The following CORO7 variants were observed in gnomAD, a reference collection of about 807,000 sequenced individuals.
CORO7 encodes coronin-7.
Under a neutral mutation model 126.6 loss-of-function variants are expected in CORO7, and 107 were observed. The observed-to-expected ratio is 0.85, with a 90% CI of 0.72 to 0.99. CORO7 has a LOEUF of 0.99. Among genes scored for constraint, CORO7 ranks in the 50% least tolerant of loss-of-function variants. The probability of loss-of-function intolerance (pLI) is 0.00; values close to 1 mark genes in which losing one functional copy is unlikely to be tolerated. For missense variants in CORO7, 1,314 were observed against 1,255.8 expected, an observed-to-expected ratio of 1.05 and a Z score of -0.70; for synonymous variants, 603 against 536.8, an observed-to-expected ratio of 1.12 and a Z score of -1.70.
At chr16:4,378,022 T>G (rs2054810278) in intron 9 of CORO7, among the ~76,000 whole-genome samples, 1 of 152,132 alleles carries the variant, frequency 6.6e-6, no homozygotes, top group Non-Finnish European at 1.5e-5. Flanking sequence ...CCTTGCTGAT[T>G]AAAGACCCAA....
In CORO7 at chr16:4,361,460, G is replaced by T; in HGVS notation, c.1588C>A (p.Pro530Thr). The T allele has an allele frequency of 6.2e-7, 1 of 1,611,644 alleles. No homozygotes were observed. Among genetic ancestry groups the T allele is most frequent in the Non-Finnish European group, 8.5e-7 (1 of 1,179,748 alleles). ...GQVAVLELRK[P>T]GRLPDTALPT... ...AGTGCCGTGTCGGGCAGGCGGCCAG[G>T]CTTCCGTAGCTGTGGGAGGTGCCCC... is the stretch of plus-strand genomic sequence containing the variant. The change falls in exon 17 of 28, where the codon CCT (proline) becomes ACT (threonine). Residue 530 changes from proline to threonine, a missense_variant. Physicochemically the swap from Pro to Thr is conservative, Grantham distance 38. Transcript: ENST00000251166.
chr16:4,385,289 C>T (rs2055156775), intron 9 of CORO7, among the ~76,000 whole-genome samples: 1 of 152,256 alleles, frequency 6.6e-6, no homozygotes, highest in East Asian at 1.9e-4. Flanking sequence ...ACAACATGCT[C>T]ACAGTAAGTG....
In CORO7 at chr16:4,416,565, G is replaced by T. The variant is rs562096366; in HGVS notation, c.-47C>A. 19 of 1,566,796 alleles carry T rather than the reference G, an allele frequency of 1.2e-5. No individual in the cohort carries two copies. In the Middle Eastern group the frequency reaches 5.1e-4, roughly 42 times the overall value. On this transcript the variant is annotated 5_prime_UTR_variant, in exon 1 of 28. Coordinates refer to ENST00000251166, the MANE Select transcript of CORO7 (RefSeq NM_024535.5). ...CGCGTCTTCGAGGACCCCGGGCGTC[G>T]GGTCTCAGGTGCACGCTGAGCAACC...
At chr16:4,365,273 G>T (rs1336799907) in intron 10 of CORO7, among the ~76,000 whole-genome samples, 1 of 152,192 alleles carries the variant, frequency 6.6e-6, no homozygotes, top group Non-Finnish European at 1.5e-5. Context: ...AGCACCGGGG[G>T]TGTACGTCAG....
rs1038176114 is a variant in CORO7, at chr16:4,388,686, C to A, written c.616-55G>T. ...CCCAGGGCCCTGCTGGTGGGCGGGG[C>A]CCCCTGGAATGGGCCTGAGCTGGGG... On this transcript the variant is annotated intron_variant, in intron 7 of 27. Transcript: ENST00000251166. 3 of 1,562,184 alleles carry A rather than the reference C, an allele frequency of 1.9e-6. No individual in the cohort carries two copies. In the Admixed American group the frequency reaches 5.7e-5, roughly 30 times the overall value.
rs369681515 is a variant in CORO7, at chr16:4,364,779, C to T, written c.1040G>A (p.Arg347His). The T allele has an allele frequency of 1.7e-5, 27 of 1,609,974 alleles. No individual in the cohort carries two copies. Among genetic ancestry groups the T allele is most frequent in the African/African-American group, 8.0e-5 (6 of 74,898 alleles). Reference protein sequence around the residue: ...AIVPIGYHVPRKAVEFHEDLF... With the variant: ...AIVPIGYHVPHKAVEFHEDLF... ...CCTCGCCCAAGTCCCCCTCACCTTG[C>T]GGGGCACATGGTAGCCGATGGGCAC... The change falls in exon 12 of 28, where the codon CGC becomes CAC. Residue 347 changes from arginine (R) to histidine (H), a missense_variant. Physicochemically the swap from Arg to His is conservative, Grantham distance 29 (BLOSUM62 0). Coordinates refer to ENST00000251166, the MANE Select transcript of CORO7 (RefSeq NM_024535.5).
At chr16:4,383,057 G>T (rs1023628932) in intron 9 of CORO7, 14 of 795,350 alleles carry the variant, frequency 1.8e-5, no homozygotes, top group Non-Finnish European at 2.7e-5. Context: ...TCTGGACCTC[G>T]GTCTCCTCAT....
At chr16:4,381,120 G>A in intron 9 of CORO7, 1 of 1,609,804 alleles carries the variant, frequency 6.2e-7, no homozygotes, top group Non-Finnish European at 8.5e-7. Flanking sequence ...TGCAGCTCCT[G>A]GACCTGTCAC....
At chr16:4,410,193 G>T (rs1193331336) in intron 3 of CORO7, among the ~76,000 whole-genome samples, 1 of 152,162 alleles carries the variant, frequency 6.6e-6, no homozygotes, top group African/African-American at 2.4e-5. Flanking sequence ...GGGAGGCCAA[G>T]GTGGGAAGAT....
In CORO7 at chr16:4,360,485, C is replaced by T. The variant is rs1479010649; in HGVS notation, c.1981G>A (p.Val661Met). ...QLATVCKDGR[V>M]RVYRPRSGPE... is the part of the protein sequence containing the mutation. ...CCACTCCGGGGCCTGTAGACCCGCA[C>T]ACGCCCATCCTTGCAGACAGTGGCC... Residue 661 changes from valine (V) to methionine (M), a missense_variant, in exon 20 of 28, where the codon GTG becomes ATG. Val to Met is a conservative substitution (Grantham distance 21). Coordinates refer to ENST00000251166, the MANE Select transcript of CORO7 (RefSeq NM_024535.5). The T allele has an allele frequency of 1.2e-6, 2 of 1,612,418 alleles. No individual in the cohort carries two copies. The highest frequency in any genetic ancestry group is 1.7e-6 in the Non-Finnish European group (2 of 1,179,696).
intron 9 of CORO7, among the ~76,000 whole-genome samples, chr16:4,370,909 G>A (rs1353232573): frequency 6.6e-6 from 1 of 152,244 alleles, no homozygotes; most frequent in African/African-American, 2.4e-5. Flanking sequence ...CGGAAGTCAG[G>A]AGCTGAGCTG....
intron 9 of CORO7, among the ~76,000 whole-genome samples, chr16:4,376,078 AGGG>A (rs1277226319): frequency 6.6e-6 from 1 of 152,160 alleles, no homozygotes; most frequent in Admixed American, 6.5e-5. Flanking sequence ...ATCACCAGCC[AGGG>A]GTCCCCGCGC....
chr16:4,412,133 C>T (rs765118104), intron 3 of CORO7, among the ~76,000 whole-genome samples: 21 of 152,148 alleles, frequency 1.4e-4, no homozygotes, highest in Non-Finnish European at 2.5e-4. Flanking sequence ...CTCCATCCAG[C>T]TCACAACCGG....
chr16:4,413,355 T>TGGTTCCTGCATGAAGGGGC lies in CORO7; in HGVS notation c.91_109dup (p.His37ArgfsTer59). ...GATCAAGCTGCAGCTTGATTTGATG[T>TGGTTCCTGCATGAAGGGGC]GGTTCCTGCATGAAGGGGCGGTTCC... On this transcript the variant is annotated frameshift_variant, in exon 2 of 28. Transcript: ENST00000251166. LOFTEE classifies it high-confidence loss of function. The TGGTTCCTGCATGAAGGGGC allele has an allele frequency of 6.3e-7, 1 of 1,587,080 alleles. No homozygotes were observed. The highest frequency in any genetic ancestry group is 8.6e-7 in the Non-Finnish European group (1 of 1,165,730).
At position 4,362,743 on chromosome 16, in the gene CORO7, G is replaced by A. The variant is rs953987042; in HGVS notation, c.1276-5C>T. ...GGGAGGGGAAGAGAAACCCTCCTGG[G>A]GAGGGGCATGGGGTCAGCCAGCCTG... is the stretch of plus-strand genomic sequence containing the variant. On this transcript the variant is annotated splice_region_variant and splice_polypyrimidine_tract_variant and intron_variant, in intron 14 of 27. Coordinates refer to ENST00000251166, the MANE Select transcript of CORO7 (RefSeq NM_024535.5). The surrounding 1 kb of genome is among the most constrained non-coding windows in gnomAD (Gnocchi z 5.3). The A allele has an allele frequency of 1.4e-6, 2 of 1,403,186 alleles. No individual in the cohort carries two copies. The highest frequency in any genetic ancestry group is 3.0e-5 in the African/African-American group (2 of 66,930). The allele number at this position is 1,403,186 out of a possible 1,614,324, so 86.9% of individuals were successfully genotyped here.
intron 2 of CORO7, chr16:4,412,734 T>C: frequency 2.5e-6 from 1 of 396,890 alleles, no homozygotes; most frequent in East Asian, 4.2e-5. Flanking sequence ...CGTCAGCCAC[T>C]TTTCGCACTT....
chr16:4,371,109 C>T (rs1451887365), intron 9 of CORO7, among the ~76,000 whole-genome samples: 1 of 152,254 alleles, frequency 6.6e-6, no homozygotes, highest in Non-Finnish European at 1.5e-5. Context: ...GTGACCACCC[C>T]TATGCCTCCA....
chr16:4,404,209 T>A (rs2055913560), intron 6 of CORO7, among the ~76,000 whole-genome samples: 1 of 152,212 alleles, frequency 6.6e-6, no homozygotes, highest in South Asian at 2.1e-4. Context: ...TGCTAGCTCC[T>A]GTTCGGCTCC....
rs374959107 is a variant in CORO7 at position 4,397,004 on chromosome 16, A to C, written c.565-1665T>G. Among the ~76,000 whole-genome samples the C allele has an allele frequency of 1.0e-4, 15 of 146,560 alleles. No homozygotes were observed. In the East Asian group the frequency reaches 1.8e-3, roughly 18 times the overall value. On this transcript the variant is annotated intron_variant, in intron 6 of 27. Transcript: ENST00000251166. The stretch of plus-strand genomic sequence containing the variant: ...GCACTCCAGCCTGGGCAACAGAGTG[A>C]GACTCAATCTCAAAAAAAAAAAAAA...
Sources: allele counts gnomAD v4.1 joint callset (sites outside exome capture counted in the v4.1 genomes callset), GRCh38; gene constraint gnomAD v4.1.1; non-coding constraint Gnocchi (gnomAD v3.1); transcripts MANE v1.5; gene names NCBI Gene and HGNC (gene_info 2026-07-23, HGNC 2026-07-21).